Variants in NELFCD observed in about 807,000 individuals in gnomAD.
NELFCD encodes negative elongation factor complex member C/D.
NELFCD carries 48 observed loss-of-function variants against 72.9 expected under a neutral mutation model. That is an observed-to-expected ratio of 0.66 (90% CI 0.52 to 0.84). The LOEUF is 0.84. NELFCD is among the 40% of genes least tolerant of loss of function. The pLI, the probability that NELFCD is intolerant of heterozygous loss-of-function variation, is 0.00. For missense variants in NELFCD, 538 were observed against 723.8 expected (o/e 0.74, Z 2.94); for synonymous variants, 297 against 280.6 (o/e 1.06, Z -0.59).
Position 58,986,253 on chromosome 20 carries a change from T to G in NELFCD, c.176+45T>G. On this transcript the variant is annotated intron_variant, in intron 2 of 14. Transcript: ENST00000652272. This position sits in a 1 kb window ranked among gnomAD's most constrained non-coding sequence, Gnocchi z 4.4. ...GTATTGGGAGGAGGCTGGGGGTAAT[T>G]TAGAGAAAGTTTTGTAATACACCCA... 7.6e-7 allele frequency: 1 copy of G among 1,307,342 alleles called. No homozygotes were observed. The highest frequency in any genetic ancestry group is 1.1e-6 in the Non-Finnish European group (1 of 900,838). The allele number at this position is 1,307,342 out of a possible 1,614,324, so 81.0% of individuals were successfully genotyped here.
At position 58,986,074 on chromosome 20, in the gene NELFCD, T is replaced by C. The variant is rs2091769551; in HGVS notation, c.61-19T>C. The C allele has an allele frequency of 6.5e-7, 1 of 1,541,108 alleles. No individual in the cohort carries two copies. On this transcript the variant is annotated intron_variant, in intron 1 of 14. Transcript: ENST00000652272. This position sits in a 1 kb window ranked among gnomAD's most constrained non-coding sequence, Gnocchi z 4.4. ...GTATTAATGAAAAAAATATCCTGGC[T>C]CTTCGCATTTACCAACAGCAGGAGG...
At position 58,991,371 on chromosome 20, in the gene NELFCD, G is replaced by A. The variant is rs1264621036; in HGVS notation, c.1014G>A (p.Arg338=). 6.2e-7 allele frequency: 1 copy of A among 1,614,238 alleles called. No homozygotes were observed. Among genetic ancestry groups the A allele is most frequent in the South Asian group, 1.1e-5 (1 of 91,086 alleles). The part of the protein sequence containing the change: ...FMQSLFKPGA[R]INQDHKHKYI... ...AGTCACTCTTTAAACCAGGGGCTCG[G>A]ATCAACCAGGACCACAAGCACAAAT... The change falls in exon 9 of 15, where the codon CGG becomes CGA. Residue 338 remains arginine, a synonymous_variant. Coordinates refer to ENST00000652272, the MANE Select transcript of NELFCD (RefSeq NM_198976.4).
At chr20:58,988,772 C>T (rs2091790986) in intron 4 of NELFCD, 142 bp from the exon 5 acceptor site, 1 of 619,404 alleles carries the variant, frequency 1.6e-6, no homozygotes, top group South Asian at 1.9e-5. Flanking sequence ...CTGTGGCCAG[C>T]TCTGGGTCTG....
intron 6 of NELFCD, 101 bp from the exon 7 acceptor site, chr20:58,989,757 A>T (rs764599165): frequency 5.5e-5 from 88 of 1,605,022 alleles, no homozygotes; most frequent in Non-Finnish European, 6.9e-5. Context: ...ACCTTCCAGG[A>T]TGCTCACTCC....
chr20:58,991,824 C>G, intron 9 of NELFCD, 57 bp from the exon 10 acceptor site: 2 of 1,588,672 alleles, frequency 1.3e-6, no homozygotes, highest in Non-Finnish European at 1.7e-6. Context: ...ACCAGAACAC[C>G]CCGACAGCAG....
intron 4 of NELFCD, 49 bp from the exon 5 acceptor site, chr20:58,988,865 G>A (rs1450475843): frequency 1.5e-6 from 2 of 1,344,390 alleles, no homozygotes; most frequent in Admixed American, 1.7e-5. Flanking sequence ...CTCCACTCAA[G>A]TAAAAGTGGG....
chr20:58,983,430 C>T (rs2091751191), intron 1 of NELFCD, among the ~76,000 whole-genome samples: 1 of 150,070 alleles, frequency 6.7e-6, no homozygotes, highest in Non-Finnish European at 1.5e-5. Context: ...GCCACCGCAC[C>T]CGGCCTTTTT....
intron 4 of NELFCD, 144 bp downstream of exon 4, chr20:58,987,961 C>A: frequency 1.5e-6 from 1 of 649,900 alleles, no homozygotes; most frequent in Non-Finnish European, 2.7e-6. Flanking sequence ...TGCATCTAGT[C>A]AGAATTGCCC....
At chr20:58,983,143 T>C (rs1051901234) in intron 1 of NELFCD, among the ~76,000 whole-genome samples, 3 of 150,598 alleles carry the variant, frequency 2.0e-5, no homozygotes, top group African/African-American at 7.3e-5. Flanking sequence ...TTTTTTCTTT[T>C]TTTTTTTTTT....
chr20:58,988,356 T>G (rs999423411), intron 4 of NELFCD, among the ~76,000 whole-genome samples: 2 of 152,224 alleles, frequency 1.3e-5, no homozygotes, highest in African/African-American at 2.4e-5. Flanking sequence ...CAGGTGCCCA[T>G]TCTGGGAGCC....
intron 1 of NELFCD, among the ~76,000 whole-genome samples, chr20:58,985,690 A>C (rs2091766741): frequency 6.6e-6 from 1 of 152,184 alleles, no homozygotes; most frequent in African/African-American, 2.4e-5. Flanking sequence ...TAATAATAAT[A>C]GTTTACTATT....
At position 58,989,621 on chromosome 20, in the gene NELFCD, A is replaced by C; in HGVS notation, c.638A>C (p.Lys213Thr). 1 of 1,614,212 alleles carries C rather than the reference A, an allele frequency of 6.2e-7. No homozygotes were observed. Among genetic ancestry groups the C allele is most frequent in the Non-Finnish European group, 8.5e-7 (1 of 1,180,042 alleles). The change falls in exon 6 of 15, where the codon AAA (lysine) becomes ACA (threonine). Residue 213 changes from lysine (K) to threonine (T), a missense_variant. By Grantham distance (78) the Lys-to-Thr change is moderately conservative. Transcript: ENST00000652272. ...ILDGGEENLE[K>T]NLPEFAKMVC... Reference sequence around the variant, plus strand: ...GATGGAGGAGAAGAAAACCTTGAAAAAAATCTCCCTGAGTTTGCCGTAAGT... The same window carrying C: ...GATGGAGGAGAAGAAAACCTTGAAACAAATCTCCCTGAGTTTGCCGTAAGT...
At position 58,990,821 on chromosome 20, in the gene NELFCD, C is replaced by A. The variant is rs2091810518; in HGVS notation, c.789-89C>A. ...CTCGTGAATGACAGAAAAACAGATC[C>A]CAACAATGCAAAGTATTATATGTGT... On this transcript the variant is annotated intron_variant, in intron 7 of 14. Transcript: ENST00000652272. The A allele has an allele frequency of 2.5e-6, 3 of 1,182,604 alleles. No homozygotes were observed. In the African/African-American group the frequency reaches 4.6e-5, roughly 18 times the overall value. 73.3% of individuals were successfully genotyped at this position (1,182,604 alleles called of 1,614,324 possible).
rs763666392 is a variant in NELFCD at position 58,991,618 on chromosome 20, G to T, written c.1089+172G>T. 3 of 789,266 alleles carry T rather than the reference G, an allele frequency of 3.8e-6. No homozygotes were observed. In the African/African-American group the frequency reaches 5.2e-5, roughly 14 times the overall value. 48.9% of individuals were successfully genotyped at this position (789,266 alleles called of 1,614,324 possible). ...CACTAAACGTCTCCAGAAAATGTGC[G>T]TAATGTCTCCAATGCTCTGCAAACC... On this transcript the variant is annotated intron_variant, in intron 9 of 14. Transcript: ENST00000652272.
rs116457224 is a variant in NELFCD, at chr20:58,986,727, T to G, written c.177-27T>G. On this transcript the variant is annotated intron_variant, in intron 2 of 14. Coordinates refer to ENST00000652272, the MANE Select transcript of NELFCD (RefSeq NM_198976.4). The surrounding 1 kb of genome is among the most constrained non-coding windows in gnomAD (Gnocchi z 4.4). ...TTGTCCATCATTCCATTCATTCGGG[T>G]GTAATTGCTGTTGTTACTTTCCCTA... 506 of 1,324,264 alleles carry G rather than the reference T, an allele frequency of 3.8e-4. 1 individual carries two copies. In the African/African-American group the frequency reaches 6.8e-3, roughly 18 times the overall value. 82.0% of individuals were successfully genotyped at this position (1,324,264 alleles called of 1,614,324 possible). A position where few individuals can be genotyped will look rare whatever the true frequency, so the allele number is the denominator to read the frequency against.
chr20:58,988,845 A>G (rs933284704), intron 4 of NELFCD, 69 bp from the exon 5 acceptor site: 2 of 1,139,944 alleles, frequency 1.8e-6, no homozygotes, highest in Non-Finnish European at 2.7e-6. Context: ...GATCGTTTAT[A>G]CAACAGAATC....
intron 10 of NELFCD, 79 bp downstream of exon 10, chr20:58,992,099 TAAC>T (rs2091822078): frequency 3.5e-6 from 5 of 1,418,888 alleles, no homozygotes; most frequent in Non-Finnish European, 4.8e-6. Context: ...AAAGCTCAAA[TAAC>T]AAAAGCTTCA....
chr20:58,989,982 A>G lies in NELFCD; in HGVS notation c.782A>G (p.Gln261Arg). 16 of 1,612,636 alleles carry G rather than the reference A, an allele frequency of 9.9e-6. No individual in the cohort carries two copies. Among genetic ancestry groups the G allele is most frequent in the Non-Finnish European group, 1.4e-5 (16 of 1,180,016 alleles). The change falls in exon 7 of 15, where the codon CAG (glutamine) becomes CGG (arginine). Residue 261 changes from glutamine (Q) to arginine (R), a missense_variant. Physicochemically the swap from Gln to Arg is conservative, Grantham distance 43. Around this residue, in one of 3 missense-constraint regions of NELFCD, gnomAD observed 355 missense variants for 534.5 expected, o/e 0.66. Coordinates refer to ENST00000652272, the MANE Select transcript of NELFCD (RefSeq NM_198976.4). ...GCCCAGGAAGTGCAGCGCTTTGCCC[A>G]GGAGAAGTGAGAGGCCCTGTTTCTG... Reference protein sequence around the residue: ...RIAQEVQRFAQEKGHDASQIT... With the variant: ...RIAQEVQRFAREKGHDASQIT...
chr20:58,989,550 A>G lies in NELFCD; in HGVS notation c.567A>G (p.Leu189=). 1 of 1,614,216 alleles carries G rather than the reference A, an allele frequency of 6.2e-7. No individual in the cohort carries two copies. The highest frequency in any genetic ancestry group is 8.5e-7 in the Non-Finnish European group (1 of 1,180,032). The stretch of plus-strand genomic sequence containing the variant: ...GTGTGTCCACAGCATGCCAGCAGCT[A>G]GAAGTGTTCTCGAGAGTGCTCCGGA... ...ITSVSTACQQ[L]EVFSRVLRTS... Residue 189 remains leucine, a synonymous_variant, in exon 6 of 15, where the codon CTA becomes CTG. Transcript: ENST00000652272.
Sources: gnomAD v4.1 joint callset for allele counts (sites outside exome capture counted in the v4.1 genomes callset) on GRCh38, gnomAD v4.1.1 for gene constraint, gnomAD v4.1.1 regional missense constraint, Gnocchi (gnomAD v3.1) non-coding constraint, MANE v1.5 for transcripts, NCBI Gene and HGNC (gene_info 2026-07-23, HGNC 2026-07-21) for gene names.